Variants in XCR1 observed in about 807,000 individuals in gnomAD.
XCR1 encodes the protein chemokine XC receptor 1.
For synonymous variants in XCR1, 187 were observed against 188.5 expected, an observed-to-expected ratio of 0.99 and a Z score of 0.06; for missense variants, 356 against 424.2, an observed-to-expected ratio of 0.84 and a Z score of 1.41.
chr3:46,023,202 G>T, intron 1 of XCR1: 1 of 494,518 alleles, frequency 2.0e-6, no homozygotes, highest in Non-Finnish European at 3.5e-6. Context: ...TGCTCCCTCT[G>T]CGCCCAGAGA....
At chr3:46,023,923 G>A (rs1301547624) in intron 1 of XCR1, 1 of 1,494,008 alleles carries the variant, frequency 6.7e-7, no homozygotes, top group Non-Finnish European at 9.3e-7. Context: ...AAAAGGTCCA[G>A]TAGAAAAGGA....
chr3:46,084,248 C>G (rs115640218), intron 1 of XCR1, among the ~76,000 whole-genome samples: 1 of 152,170 alleles, frequency 6.6e-6, no homozygotes, highest in Non-Finnish European at 1.5e-5. Context: ...TGACAAGGGA[C>G]AAGCTGGCAC....
chr3:46,069,731 A>T (rs911880336), intron 3 of XCR1, among the ~76,000 whole-genome samples: 49 of 152,036 alleles, frequency 3.2e-4, no homozygotes, highest in African/African-American at 1.1e-3. Context: ...TATTAATTTT[A>T]TTTTTTCAAA....
intron 3 of XCR1, among the ~76,000 whole-genome samples, chr3:46,072,287 G>C (rs965887302): frequency 4.6e-5 from 7 of 152,196 alleles, no homozygotes; most frequent in African/African-American, 1.7e-4. Flanking sequence ...GGGAGGCTGA[G>C]GTGGGCAGAT....
At chr3:46,062,355 C>T (rs1408770880) in intron 4 of XCR1, among the ~76,000 whole-genome samples, 1 of 152,190 alleles carries the variant, frequency 6.6e-6, no homozygotes. Context: ...TCTCCCCACA[C>T]CCCCCACTAC....
chr3:46,048,642 ATCCT>A (rs1559487149), intron 5 of XCR1, among the ~76,000 whole-genome samples: 1 of 152,144 alleles, frequency 6.6e-6, no homozygotes, highest in Non-Finnish European at 1.5e-5. Flanking sequence ...ACACAAGCAT[ATCCT>A]CTTCCCCACT....
At chr3:46,031,653 C>T (rs1470584625), upstream of XCR1, among the ~76,000 whole-genome samples, 2 of 152,210 alleles carry the variant, frequency 1.3e-5, no homozygotes, top group South Asian at 4.1e-4. Context: ...CACCTTCAAG[C>T]TGGGGAAGGC....
At chr3:46,047,948 T>C (rs1300540060) in intron 5 of XCR1, among the ~76,000 whole-genome samples, 1 of 152,216 alleles carries the variant, frequency 6.6e-6, no homozygotes, top group African/African-American at 2.4e-5. Flanking sequence ...CCATTCTGTA[T>C]AGTCAGCACA....
chr3:46,051,762 C>T (rs1471065372), intron 5 of XCR1, among the ~76,000 whole-genome samples: 4 of 152,226 alleles, frequency 2.6e-5, no homozygotes, highest in Non-Finnish European at 4.4e-5. Flanking sequence ...AGCGGTGGCT[C>T]ACGCCTGTAA....
chr3:46,059,887 A>G (rs1697929416), intron 4 of XCR1, among the ~76,000 whole-genome samples: 1 of 152,238 alleles, frequency 6.6e-6, no homozygotes, highest in African/African-American at 2.4e-5. Context: ...TATTAACATG[A>G]TACAACTGAA....
chr3:46,029,793 C>T (rs772614213), upstream of XCR1, among the ~76,000 whole-genome samples: 33 of 152,204 alleles, frequency 2.2e-4, no homozygotes, highest in East Asian at 7.7e-4. Flanking sequence ...TCTTCCAATC[C>T]GGGAACACTG....
chr3:46,061,907 C>A (rs986322904), intron 4 of XCR1, among the ~76,000 whole-genome samples: 37 of 152,150 alleles, frequency 2.4e-4, no homozygotes, highest in African/African-American at 8.2e-4. Context: ...GCACTGTGGG[C>A]AAAGCTGGAT....
intron 5 of XCR1, among the ~76,000 whole-genome samples, chr3:46,035,955 C>T (rs1030289927): frequency 2.0e-5 from 3 of 152,060 alleles, no homozygotes; most frequent in African/African-American, 7.2e-5. Flanking sequence ...GTTGATTAAG[C>T]CCAACCAGTG....
chr3:46,039,783 T>G (rs1697503822), intron 5 of XCR1, among the ~76,000 whole-genome samples: 1 of 152,146 alleles, frequency 6.6e-6, no homozygotes, highest in African/African-American at 2.4e-5. Context: ...ATTGCAAGGA[T>G]CAATTTTGAG....
intron 1 of XCR1, among the ~76,000 whole-genome samples, chr3:46,026,033 T>C (rs1293135566): frequency 6.6e-6 from 1 of 152,134 alleles, no homozygotes; most frequent in Non-Finnish European, 1.5e-5. Context: ...TGAAAATCAA[T>C]TTAAGTCACC....
At chr3:46,045,364 G>A (rs747961061) in intron 5 of XCR1, among the ~76,000 whole-genome samples, 3 of 151,852 alleles carry the variant, frequency 2.0e-5, no homozygotes, top group East Asian at 1.9e-4. Context: ...AGCCGAGATC[G>A]CGCCAGAGTG....
At chr3:46,064,548 C>G (rs1309692255) in intron 4 of XCR1, among the ~76,000 whole-genome samples, 1 of 152,194 alleles carries the variant, frequency 6.6e-6, no homozygotes, top group East Asian at 1.9e-4. Context: ...TAGAATGTGG[C>G]TGGAGTGACA....
At chr3:46,051,764 C>T (rs565732737) in intron 5 of XCR1, among the ~76,000 whole-genome samples, 2 of 152,282 alleles carry the variant, frequency 1.3e-5, no homozygotes, top group African/African-American at 2.4e-5. Context: ...CGGTGGCTCA[C>T]GCCTGTAATC....
At chr3:46,055,674 A>T (rs1335539668) in intron 4 of XCR1, among the ~76,000 whole-genome samples, 3 of 152,180 alleles carry the variant, frequency 2.0e-5, no homozygotes, top group African/African-American at 7.2e-5. Context: ...TGCTCTGTGC[A>T]TCAGGCAATG....
Sources: gnomAD v4.1 joint callset for allele counts (sites outside exome capture counted in the v4.1 genomes callset) on GRCh38, gnomAD v4.1.1 for gene constraint, MANE v1.5 for transcripts, NCBI Gene and HGNC (gene_info 2026-07-23, HGNC 2026-07-21) for gene names.